Variants in BANK1 observed in about 807,000 individuals in gnomAD.
The protein encoded by BANK1 is B-cell scaffold protein with ankyrin repeats.
A neutral mutation model predicts 94.5 loss-of-function variants in BANK1; 95 were observed. That is an observed-to-expected ratio of 1.00 (90% CI 0.85 to 1.19). The LOEUF is 1.19. Among genes scored for constraint, BANK1 ranks in the 50% most tolerant of loss-of-function variants. The pLI is 0.00. For synonymous variants in BANK1, 334 were observed against 308.4 expected (o/e 1.08, Z -0.87); for missense variants, 987 against 932.2 (o/e 1.06, Z -0.77).
intron 8 of BANK1, among the ~76,000 whole-genome samples, chr4:102,023,309 AATTAATGG>A (rs1726977022): frequency 6.6e-6 from 1 of 152,212 alleles, no homozygotes; most frequent in Non-Finnish European, 1.5e-5. Flanking sequence ...CTAAATATTA[AATTAATGG>A]ATTAATGCAC....
intron 7 of BANK1, among the ~76,000 whole-genome samples, chr4:101,950,330 A>T (rs1724106331): frequency 6.6e-6 from 1 of 152,136 alleles, no homozygotes; most frequent in Non-Finnish European, 1.5e-5. Context: ...CACTGTGGGT[A>T]AACGTTTGAA....
chr4:101,936,098 A>C (rs1432598308), intron 7 of BANK1, among the ~76,000 whole-genome samples: 4 of 151,444 alleles, frequency 2.6e-5, no homozygotes, highest in Non-Finnish European at 5.9e-5. Flanking sequence ...AACAATAAGC[A>C]AAGTGAAGGG....
rs547175905 is a variant in BANK1, at chr4:102,001,179, G to C, written c.1207-20335G>C. On this transcript the variant is annotated intron_variant, in intron 7 of 16. Transcript: ENST00000322953. ...AACACTGAAGTCTATGTGAATAAAG[G>C]CTGTACGTTCATTTCCCTGGCATGG... Among the ~76,000 whole-genome samples, 3 of 152,350 alleles carry C rather than the reference G, an allele frequency of 2.0e-5. No homozygotes were observed. In the South Asian group the frequency reaches 6.2e-4, roughly 32 times the overall value.
chr4:101,874,621 A>T (rs1728418160), intron 5 of BANK1, among the ~76,000 whole-genome samples: 1 of 152,222 alleles, frequency 6.6e-6, no homozygotes, highest in Admixed American at 6.5e-5. Context: ...GAAGGTTCAA[A>T]CTTCTTTGAA....
chr4:102,022,455 A>G (rs1397023632), intron 8 of BANK1, among the ~76,000 whole-genome samples: 2 of 152,054 alleles, frequency 1.3e-5, no homozygotes, highest in East Asian at 1.9e-4. Flanking sequence ...CCCTTTCATT[A>G]TCCTAGTCCA....
intron 6 of BANK1, 81 bp from the exon 7 acceptor site, chr4:101,917,912 A>T: frequency 1.0e-6 from 1 of 969,216 alleles, no homozygotes; most frequent in Non-Finnish European, 1.5e-6. Context: ...AATTACTTTT[A>T]GGAGCAGATT....
intron 6 of BANK1, among the ~76,000 whole-genome samples, chr4:101,901,286 C>T (rs1722273128): frequency 6.6e-6 from 1 of 152,056 alleles, no homozygotes; most frequent in African/African-American, 2.4e-5. Flanking sequence ...TATATAAAGC[C>T]ACAAAATATC....
rs755990627 is a variant in BANK1 at position 102,025,446 on chromosome 4, C to A, written c.1531C>A (p.Leu511Ile). The A allele has an allele frequency of 5.0e-6, 8 of 1,613,640 alleles. No individual in the cohort carries two copies. The South Asian group carries it at 8.8e-5, about 18-fold the overall frequency. Residue 511 changes from leucine (L) to isoleucine (I), a missense_variant, in exon 9 of 17, where the codon CTC becomes ATC. Coordinates refer to ENST00000322953, the MANE Select transcript of BANK1 (RefSeq NM_017935.5). Reference sequence around the variant, plus strand: ...GCCACTCATGAGCAGCAGACCTCCTCTCCCCCCGCCGCGACCTGTAGCTAA... The same window carrying A: ...GCCACTCATGAGCAGCAGACCTCCTATCCCCCCGCCGCGACCTGTAGCTAA... ...QEPLMSSRPP[L>I]PPPRPVANAF...
At chr4:101,835,337 C>T (rs923646476) in intron 2 of BANK1, among the ~76,000 whole-genome samples, 5 of 152,204 alleles carry the variant, frequency 3.3e-5, no homozygotes, top group Non-Finnish European at 2.9e-5. Context: ...TTGTTCTCAA[C>T]TCTGCCCCCG....
chr4:101,989,431 CAA>C (rs899065744), intron 7 of BANK1, among the ~76,000 whole-genome samples: 13 of 31,090 alleles, frequency 4.2e-4, no homozygotes, highest in Non-Finnish European at 6.4e-4. Flanking sequence ...GACTCCGTCT[CAA>C]AAAAAAAAAA....
chr4:101,938,313 G>T (rs1351294657), intron 7 of BANK1, among the ~76,000 whole-genome samples: 1 of 151,492 alleles, frequency 6.6e-6, no homozygotes, highest in Non-Finnish European at 1.5e-5. Flanking sequence ...AGGTAGTGAG[G>T]ATGGGGGAAA....
At chr4:101,839,060 A>G (rs1433628022) in intron 2 of BANK1, among the ~76,000 whole-genome samples, 2 of 152,316 alleles carry the variant, frequency 1.3e-5, no homozygotes, top group East Asian at 3.9e-4. Context: ...AGTTTAAACT[A>G]AATTAAAAAA....
intron 1 of BANK1, among the ~76,000 whole-genome samples, chr4:101,793,250 C>T (rs1725056350): frequency 6.6e-6 from 1 of 152,150 alleles, no homozygotes; most frequent in Admixed American, 6.5e-5. Context: ...GCTTGAAGTT[C>T]TTAAAGATTT....
chr4:101,987,512 A>G (rs1037651507), intron 7 of BANK1, among the ~76,000 whole-genome samples: 72 of 152,270 alleles, frequency 4.7e-4, no homozygotes, highest in African/African-American at 1.7e-3. Flanking sequence ...TTTAAAGCAT[A>G]TAAATACTAA....
At chr4:102,000,785 T>TAAG (rs1224592108) in intron 7 of BANK1, among the ~76,000 whole-genome samples, 1 of 152,158 alleles carries the variant, frequency 6.6e-6, no homozygotes, top group African/African-American at 2.4e-5. Flanking sequence ...AGTGAAGAAA[T>TAAG]AAGTTGCAAA....
chr4:102,071,526 T>C (rs1047635326), intron 14 of BANK1, among the ~76,000 whole-genome samples: 38 of 152,172 alleles, frequency 2.5e-4, no homozygotes, highest in African/African-American at 8.7e-4. Context: ...GACCGTGAGT[T>C]TGGAATTCTT....
chr4:101,790,815 G>A lies in BANK1; in HGVS notation c.-66G>A. ...AAGAGAAAATCGCGGGGAGTCTCTG[G>A]CCGGGAGAGTCCAGGTAGCGCTCGG... On this transcript the variant is annotated 5_prime_UTR_variant, in exon 1 of 17. Coordinates refer to ENST00000322953, the MANE Select transcript of BANK1 (RefSeq NM_017935.5). The A allele has an allele frequency of 6.8e-7, 1 of 1,481,452 alleles. No homozygotes were observed. Among genetic ancestry groups the A allele is most frequent in the South Asian group, 1.2e-5 (1 of 82,918 alleles). The allele number at this position is 1,481,452 out of a possible 1,614,324, so 91.8% of individuals were successfully genotyped here.
intron 7 of BANK1, among the ~76,000 whole-genome samples, chr4:101,938,606 A>C (rs1301730528): frequency 6.6e-6 from 1 of 151,660 alleles, no homozygotes; most frequent in Non-Finnish European, 1.5e-5. Context: ...GATTAAAAGT[A>C]AAAAAGTTAC....
At chr4:101,948,139 T>C (rs1021881710) in intron 7 of BANK1, among the ~76,000 whole-genome samples, 1 of 152,084 alleles carries the variant, frequency 6.6e-6, no homozygotes, top group Non-Finnish European at 1.5e-5. Flanking sequence ...TTTTAAGAAA[T>C]CCTGTTATGA....
Sources: gnomAD v4.1 joint callset for allele counts (sites outside exome capture counted in the v4.1 genomes callset) on GRCh38, gnomAD v4.1.1 for gene constraint, MANE v1.5 for transcripts, NCBI Gene and HGNC (gene_info 2026-07-23, HGNC 2026-07-21) for gene names.